The following QTMAN variants were observed in gnomAD, a reference collection of about 807,000 sequenced individuals.
QTMAN encodes the protein tRNA-queuosine alpha-mannosyltransferase.
the QTMAN span, among the ~76,000 whole-genome samples, chr2:144,048,806 G>GCACACACATGCATACACACACA: frequency 6.9e-6 from 1 of 145,282 alleles, no homozygotes; most frequent in Non-Finnish European, 1.5e-5. Context: ...GCTTGTGTGC[G>GCACACACATGCATACACACACA]CACACACATG....
the QTMAN span, among the ~76,000 whole-genome samples, chr2:144,154,395 C>T: frequency 6.6e-6 from 1 of 152,006 alleles, no homozygotes; most frequent in Non-Finnish European, 1.5e-5. Context: ...AAATGTCCGG[C>T]TTGGTTATTA....
chr2:144,005,352 A>T, the QTMAN span, among the ~76,000 whole-genome samples: 8 of 152,108 alleles, frequency 5.3e-5, no homozygotes, highest in Non-Finnish European at 1.2e-4. Flanking sequence ...ATCCCCCTTC[A>T]TATAGCTGTG....
the QTMAN span, among the ~76,000 whole-genome samples, chr2:144,083,208 C>T: frequency 2.0e-5 from 3 of 152,328 alleles, no homozygotes; most frequent in East Asian, 5.8e-4. Flanking sequence ...TGCCTACTGG[C>T]TTGGTTAGAA....
the QTMAN span, among the ~76,000 whole-genome samples, chr2:143,989,573 G>C: frequency 4.6e-5 from 7 of 152,152 alleles, no homozygotes; most frequent in Non-Finnish European, 7.3e-5. Context: ...GTAAGGAGCA[G>C]AACGTGAATA....
chr2:144,268,679 G>C, the QTMAN span, among the ~76,000 whole-genome samples: 2 of 152,140 alleles, frequency 1.3e-5, no homozygotes, highest in African/African-American at 4.8e-5. Context: ...AAAAAATACA[G>C]GCAAACCAAG....
At chr2:144,011,434 C>CA in the QTMAN span, among the ~76,000 whole-genome samples, 20 of 151,910 alleles carry the variant, frequency 1.3e-4, no homozygotes, top group African/African-American at 4.8e-4. Flanking sequence ...TAATAGAAAT[C>CA]AAAAAAACTT....
chr2:144,276,206 GT>G, the QTMAN span, among the ~76,000 whole-genome samples: 1 of 151,144 alleles, frequency 6.6e-6, no homozygotes, highest in South Asian at 2.1e-4. Context: ...TAAAATTCTG[GT>G]TTTTTTTAAA....
the QTMAN span, among the ~76,000 whole-genome samples, chr2:144,314,513 C>T: frequency 6.6e-6 from 1 of 152,116 alleles, no homozygotes. Flanking sequence ...GAGATCGAGA[C>T]CATCCTGGCT....
chr2:144,042,517 A>T, the QTMAN span, among the ~76,000 whole-genome samples: 1 of 152,160 alleles, frequency 6.6e-6, no homozygotes, highest in Admixed American at 6.5e-5. Flanking sequence ...GCACTTTGGG[A>T]GGCTGAGGCG....
At chr2:143,955,206 A>C in the QTMAN span, among the ~76,000 whole-genome samples, 12 of 152,292 alleles carry the variant, frequency 7.9e-5, no homozygotes, top group East Asian at 2.3e-3. Flanking sequence ...GGAGAAAAAA[A>C]ATCCCTCATT....
chr2:144,203,907 A>G, the QTMAN span, among the ~76,000 whole-genome samples: 1 of 152,170 alleles, frequency 6.6e-6, no homozygotes, highest in Non-Finnish European at 1.5e-5. Flanking sequence ...AGGATTCCCT[A>G]TTTAATAAAT....
the QTMAN span, among the ~76,000 whole-genome samples, chr2:144,207,098 T>C: frequency 4.6e-5 from 7 of 152,208 alleles, no homozygotes; most frequent in Non-Finnish European, 8.8e-5. Flanking sequence ...ATCATGTTCA[T>C]TGAAATTCCT....
At chr2:144,278,537 C>T in the QTMAN span, among the ~76,000 whole-genome samples, 1 of 150,672 alleles carries the variant, frequency 6.6e-6, no homozygotes, top group South Asian at 2.1e-4. Flanking sequence ...TGAGTGTTTT[C>T]CTTCTTTTTT....
At chr2:144,095,897 G>C in the QTMAN span, among the ~76,000 whole-genome samples, 3 of 151,976 alleles carry the variant, frequency 2.0e-5, no homozygotes, top group Non-Finnish European at 2.9e-5. Context: ...CAAATAACTT[G>C]TGTTACATAC....
the QTMAN span, among the ~76,000 whole-genome samples, chr2:144,133,140 T>TA: frequency 1.5e-4 from 7 of 46,156 alleles, no homozygotes; most frequent in Admixed American, 3.4e-4. Flanking sequence ...TATATATATA[T>TA]ATATATATAT....
At chr2:144,259,446 AC>A in the QTMAN span, among the ~76,000 whole-genome samples, 1 of 152,074 alleles carries the variant, frequency 6.6e-6, no homozygotes, top group Non-Finnish European at 1.5e-5. Flanking sequence ...GGCATGAGCC[AC>A]CCCGCCCAGT....
the QTMAN span, among the ~76,000 whole-genome samples, chr2:144,097,518 C>T: frequency 6.6e-6 from 1 of 152,260 alleles, no homozygotes; most frequent in East Asian, 1.9e-4. Flanking sequence ...TTCCAACTCA[C>T]GCACTTGTTT....
the QTMAN span, among the ~76,000 whole-genome samples, chr2:144,096,148 T>A: frequency 2.0e-5 from 3 of 152,200 alleles, no homozygotes; most frequent in African/African-American, 7.2e-5. Flanking sequence ...AAATAACAGA[T>A]CTTTTGAACA....
At chr2:144,228,850 C>T in the QTMAN span, among the ~76,000 whole-genome samples, 1 of 152,056 alleles carries the variant, frequency 6.6e-6, no homozygotes, top group South Asian at 2.1e-4. Flanking sequence ...CCCAGCTACT[C>T]ATGAGGCTGA....
Sources: gnomAD v4.1 joint callset for allele counts (sites outside exome capture counted in the v4.1 genomes callset) on GRCh38, gnomAD v4.1.1 for gene constraint, MANE v1.5 for transcripts, NCBI Gene and HGNC (gene_info 2026-07-23, HGNC 2026-07-21) for gene names.